Variants in BFSP2 observed in about 807,000 individuals in gnomAD.
The protein encoded by BFSP2 is phakinin.
BFSP2 carries 38 observed loss-of-function variants against 44.9 expected under a neutral mutation model. The ratio of observed to expected loss-of-function variants is 0.85; its 90% CI spans 0.65 to 1.11. BFSP2 has a LOEUF of 1.11. BFSP2 is among the 50% of genes least tolerant of loss of function. The pLI, the probability that BFSP2 is intolerant of heterozygous loss-of-function variation, is 0.00. For missense variants in BFSP2, 525 were observed against 533.0 expected (o/e 0.99, Z 0.15); for synonymous variants, 197 against 209.9 (o/e 0.94, Z 0.53).
chr3:133,436,643 C>T (rs557828688), intron 1 of BFSP2, among the ~76,000 whole-genome samples: 2 of 152,202 alleles, frequency 1.3e-5, no homozygotes, highest in Admixed American at 1.3e-4. Context: ...TCTAGGGTAC[C>T]TGTGCACAAC....
intron 1 of BFSP2, among the ~76,000 whole-genome samples, chr3:133,434,109 C>T (rs957750477): frequency 1.2e-4 from 19 of 152,200 alleles, no homozygotes; most frequent in Admixed American, 6.5e-4. Flanking sequence ...ATTCCCAAAC[C>T]GCCACTCTAA....
intron 4 of BFSP2, among the ~76,000 whole-genome samples, chr3:133,464,436 G>C (rs567578789): frequency 2.0e-5 from 3 of 152,176 alleles, no homozygotes; most frequent in Non-Finnish European, 4.4e-5. Context: ...GGGTTGTAAA[G>C]ATTAAATTAG....
intron 1 of BFSP2, among the ~76,000 whole-genome samples, chr3:133,444,961 A>G (rs1397819783): frequency 6.6e-6 from 1 of 151,990 alleles, no homozygotes; most frequent in Non-Finnish European, 1.5e-5. Flanking sequence ...CTTCCCAGTA[A>G]ATCTCAACTC....
At chr3:133,401,127 A>G (rs1354794883) in intron 1 of BFSP2, among the ~76,000 whole-genome samples, 2 of 152,254 alleles carry the variant, frequency 1.3e-5, no homozygotes, top group Admixed American at 6.5e-5. Context: ...GGTAATTGAC[A>G]AGTTTCTATT....
At chr3:133,424,271 T>A (rs1299167355) in intron 1 of BFSP2, among the ~76,000 whole-genome samples, 1 of 114,114 alleles carries the variant, frequency 8.8e-6, no homozygotes, top group Non-Finnish European at 1.9e-5. Context: ...AGTTTCGCCT[T>A]CTTGGTCAGT....
chr3:133,400,610 C>CT lies in BFSP2; in HGVS notation c.489+39dup. The CT allele has an allele frequency of 2.6e-6, 4 of 1,561,678 alleles. No homozygotes were observed. The highest frequency in any genetic ancestry group is 3.5e-6 in the Non-Finnish European group (4 of 1,153,724). ...GCTGTGCCAAGGGCTTTGCAGAGGG[C>CT]TGGGAGGGGCTGCTGAAGGCAGCGG... On this transcript the variant is annotated intron_variant, in intron 1 of 6. Transcript: ENST00000302334. The surrounding 1 kb of genome is among the most constrained non-coding windows in gnomAD (Gnocchi z 4.0).
chr3:133,414,447 TCCCCTCTACTCA>T, intron 1 of BFSP2, among the ~76,000 whole-genome samples: 1 of 55,286 alleles, frequency 1.8e-5, no homozygotes, highest in African/African-American at 7.9e-5. Flanking sequence ...CCCTGCCCTC[TCCCCTCTACTCA>T]CCCCTGCCCT....
rs1437836397 is a variant in BFSP2, at chr3:133,472,539, C to T, written c.1218C>T (p.His406=). The part of the protein sequence containing the change: ...CQLQKDVASY[H]ALLDREESG ...TGCAGAAGGACGTGGCGTCCTACCA[C>T]GCCCTGCTGGACAGGGAGGAGAGCG... Residue 406 remains histidine (H), a synonymous_variant, in exon 6 of 7, where the codon CAC becomes CAT. Coordinates refer to ENST00000302334, the MANE Select transcript of BFSP2 (RefSeq NM_003571.4). 9.9e-6 allele frequency: 16 copies of T among 1,612,276 alleles called. No homozygotes were observed. The highest frequency in any genetic ancestry group is 5.0e-5 in the Admixed American group (3 of 59,958).
intron 1 of BFSP2, among the ~76,000 whole-genome samples, chr3:133,434,771 G>A (rs1187344474): frequency 6.6e-6 from 1 of 152,088 alleles, no homozygotes; most frequent in Non-Finnish European, 1.5e-5. Flanking sequence ...ACCCCACTGA[G>A]CACCTTGTGA....
At chr3:133,457,838 T>C (rs1293988847) in intron 4 of BFSP2, among the ~76,000 whole-genome samples, 1 of 152,236 alleles carries the variant, frequency 6.6e-6, no homozygotes, top group Admixed American at 6.5e-5. Flanking sequence ...CAGAAAAAGT[T>C]GTCAACCTCT....
In BFSP2 at chr3:133,400,139, C is replaced by A. The variant is rs377455569; in HGVS notation, c.56C>A (p.Pro19His). ...CCCACCAGTGCCAGCTCCAGCATGC[C>A]CCTCCAGAGGCGCAGGGCGTCCTTC... is the stretch of plus-strand genomic sequence containing the variant. Reference protein sequence around the residue: ...DLPTSASSSMPLQRRRASFRG... With the variant: ...DLPTSASSSMHLQRRRASFRG... The change falls in exon 1 of 7, where the codon CCC becomes CAC. Residue 19 changes from proline to histidine, a missense_variant. Physicochemically the swap from Pro to His is moderately conservative, Grantham distance 77. Coordinates refer to ENST00000302334, the MANE Select transcript of BFSP2 (RefSeq NM_003571.4). The surrounding 1 kb of genome is among the most constrained non-coding windows in gnomAD (Gnocchi z 4.0). 14 of 1,614,156 alleles carry A rather than the reference C, an allele frequency of 8.7e-6. No individual in the cohort carries two copies. Among genetic ancestry groups the A allele is most frequent in the African/African-American group, 5.3e-5 (4 of 75,044 alleles).
At chr3:133,463,436 T>C (rs1234644485) in intron 4 of BFSP2, among the ~76,000 whole-genome samples, 1 of 152,258 alleles carries the variant, frequency 6.6e-6, no homozygotes, top group Non-Finnish European at 1.5e-5. Context: ...ATTTATACGT[T>C]GGCATGCTTC....
At chr3:133,451,394 C>T (rs1576588946) in intron 4 of BFSP2, among the ~76,000 whole-genome samples, 1 of 152,292 alleles carries the variant, frequency 6.6e-6, no homozygotes, top group Middle Eastern at 3.4e-3. Flanking sequence ...CTGTAAAGGA[C>T]CAAACAGTAA....
At chr3:133,410,531 CA>C in intron 1 of BFSP2, 1 of 277,284 alleles carries the variant, frequency 3.6e-6, no homozygotes. Flanking sequence ...ATCAGCGCTC[CA>C]AATCACCTGG....
At chr3:133,447,188 A>C in intron 1 of BFSP2, 129 bp from the exon 2 acceptor site, 1 of 861,766 alleles carries the variant, frequency 1.2e-6, no homozygotes, top group Non-Finnish European at 1.9e-6. Context: ...TCTTAATTCC[A>C]CAAATATTTG....
At chr3:133,417,917 C>T (rs1231778309) in intron 1 of BFSP2, among the ~76,000 whole-genome samples, 8 of 123,072 alleles carry the variant, frequency 6.5e-5, no homozygotes, top group Non-Finnish European at 6.8e-5. Context: ...CTCACCCCTG[C>T]CATCTCCCCT....
At chr3:133,448,769 C>A in intron 3 of BFSP2, 124 bp downstream of exon 3, 1 of 1,279,734 alleles carries the variant, frequency 7.8e-7, no homozygotes, top group Non-Finnish European at 1.1e-6. Context: ...CCCAGGACTG[C>A]AGGGAACATA....
chr3:133,412,564 G>T (rs2073466030), intron 1 of BFSP2: 1 of 152,330 alleles, frequency 6.6e-6, no homozygotes, highest in African/African-American at 2.4e-5. Flanking sequence ...GATGCCAGAA[G>T]ATGGCCCTTC....
At position 133,472,427 on chromosome 3, in the gene BFSP2, G is replaced by A. The variant is rs2074171993; in HGVS notation, c.1106G>A (p.Arg369Gln). The A allele has an allele frequency of 6.2e-7, 1 of 1,614,020 alleles. No individual in the cohort carries two copies. The highest frequency in any genetic ancestry group is 1.7e-5 in the Admixed American group (1 of 60,002). Residue 369 changes from arginine to glutamine, a missense_variant, in exon 6 of 7, where the codon CGG (arginine) becomes CAG (glutamine). Transcript: ENST00000302334. ...ELQNLGAVVG[R>Q]LEAELREIRA... Reference sequence around the variant, plus strand: ...CAGAACCTGGGCGCTGTGGTCGGCCGGCTGGAGGCGGAGCTCAGGGAAATC... The same window carrying A: ...CAGAACCTGGGCGCTGTGGTCGGCCAGCTGGAGGCGGAGCTCAGGGAAATC...
Sources: gnomAD v4.1 joint callset for allele counts (sites outside exome capture counted in the v4.1 genomes callset) on GRCh38, gnomAD v4.1.1 for gene constraint, Gnocchi (gnomAD v3.1) non-coding constraint, MANE v1.5 for transcripts, NCBI Gene and HGNC (gene_info 2026-07-23, HGNC 2026-07-21) for gene names.